Variants in TRIM2 observed in about 807,000 individuals in gnomAD.
TRIM2 encodes the protein tripartite motif containing 2, also known as tripartite motif-containing protein 2.
In TRIM2, 20 loss-of-function variants were observed where a neutral mutation model predicts 75.2. The ratio of observed to expected loss-of-function variants is 0.27; its 90% CI spans 0.19 to 0.39. TRIM2 has a LOEUF of 0.39. Ranked by LOEUF, TRIM2 falls within the 10% of genes least tolerant of loss-of-function variation. The pLI is 1.00. For synonymous variants in TRIM2, 373 were observed against 388.3 expected, an observed-to-expected ratio of 0.96 and a Z score of 0.46; for missense variants, 660 against 990.8, an observed-to-expected ratio of 0.67 and a Z score of 4.48.
intron 1 of TRIM2, among the ~76,000 whole-genome samples, chr4:153,245,549 G>A (rs2149887906): frequency 6.6e-6 from 1 of 152,204 alleles, no homozygotes; most frequent in Non-Finnish European, 1.5e-5. Context: ...AAATAATTTG[G>A]AAAAAACCAA....
upstream of TRIM2, chr4:153,152,653 T>C (rs1243260398): frequency 2.0e-5 from 3 of 151,056 alleles, no homozygotes; most frequent in Non-Finnish European, 4.4e-5. Flanking sequence ...CAGACACGAG[T>C]GTTGGTGCGC....
intron 1 of TRIM2, among the ~76,000 whole-genome samples, chr4:153,215,303 C>A (rs893493948): frequency 6.6e-6 from 1 of 152,128 alleles, no homozygotes; most frequent in South Asian, 2.1e-4. Context: ...CACCAAGAAT[C>A]CCTACATTGG....
chr4:153,328,106 ACT>A (rs1217809425), intron 10 of TRIM2, among the ~76,000 whole-genome samples: 1 of 152,088 alleles, frequency 6.6e-6, no homozygotes, highest in Non-Finnish European at 1.5e-5. Context: ...AAAAACTCCT[ACT>A]CTCTGATCCA....
chr4:153,154,882 G>C (rs1729081924), intron 1 of TRIM2, among the ~76,000 whole-genome samples: 1 of 152,210 alleles, frequency 6.6e-6, no homozygotes, highest in African/African-American at 2.4e-5. Flanking sequence ...GCTCACGCCT[G>C]TATTCCCAGC....
intron 1 of TRIM2, among the ~76,000 whole-genome samples, chr4:153,210,661 T>C (rs1490752301): frequency 6.6e-6 from 1 of 152,194 alleles, no homozygotes; most frequent in Non-Finnish European, 1.5e-5. Flanking sequence ...CTTGAGAGCA[T>C]TTTTAACGAA....
intron 2 of TRIM2, among the ~76,000 whole-genome samples, chr4:153,274,465 T>C (rs535975480): frequency 7.9e-5 from 12 of 152,106 alleles, no homozygotes; most frequent in Non-Finnish European, 1.6e-4. Context: ...GATAATGGGT[T>C]TGGTTTTGTT....
chr4:153,176,669 G>A (rs756502175), intron 1 of TRIM2, among the ~76,000 whole-genome samples: 4 of 152,090 alleles, frequency 2.6e-5, no homozygotes, highest in African/African-American at 4.8e-5. Flanking sequence ...GGAGTGCAGT[G>A]GCACAATTTC....
At chr4:153,324,049 TCA>T (rs750470000) in intron 9 of TRIM2, 27 bp from the exon 10 acceptor site, 23 of 1,585,586 alleles carry the variant, frequency 1.5e-5, no homozygotes, top group African/African-American at 2.7e-5. Flanking sequence ...GTTGTAGTCA[TCA>T]CATATTTTTT....
intron 3 of TRIM2, among the ~76,000 whole-genome samples, chr4:153,291,069 A>G (rs1579391126): frequency 6.6e-6 from 1 of 152,128 alleles, no homozygotes; most frequent in Admixed American, 6.5e-5. Context: ...TTATATGACA[A>G]AAAAAAAGTG....
chr4:153,186,893 G>A (rs1732659589), intron 1 of TRIM2, among the ~76,000 whole-genome samples: 1 of 152,230 alleles, frequency 6.6e-6, no homozygotes, highest in Non-Finnish European at 1.5e-5. Flanking sequence ...GAATTGCCAT[G>A]CTATTACATG....
At chr4:153,172,846 A>G (rs1560784597) in intron 1 of TRIM2, among the ~76,000 whole-genome samples, 1 of 152,174 alleles carries the variant, frequency 6.6e-6, no homozygotes, top group Non-Finnish European at 1.5e-5. Context: ...CAGAAGGAAC[A>G]AGAGCTCAAG....
At chr4:153,308,084 T>G in intron 6 of TRIM2, 1 of 838,670 alleles carries the variant, frequency 1.2e-6, no homozygotes, top group Non-Finnish European at 2.1e-6. Flanking sequence ...TATCAAATAC[T>G]TTCTGGAAGT....
chr4:153,208,952 C>T (rs571584872), intron 1 of TRIM2, among the ~76,000 whole-genome samples: 5 of 152,290 alleles, frequency 3.3e-5, no homozygotes, highest in Non-Finnish European at 5.9e-5. Context: ...TCCACACACA[C>T]AAAGAAATGT....
intron 1 of TRIM2, among the ~76,000 whole-genome samples, chr4:153,239,306 C>T (rs1183399465): frequency 2.0e-5 from 3 of 149,824 alleles, no homozygotes; most frequent in South Asian, 2.1e-4. Context: ...GAGCCGAGAT[C>T]GTGCCACTGC....
chr4:153,220,106 T>G (rs7685632), intron 1 of TRIM2, among the ~76,000 whole-genome samples: 94,110 of 151,712 alleles, frequency 0.62, 29,643 homozygotes, highest in East Asian at 0.87. Context: ...AGACGGGGAG[T>G]TCATTGCCCT....
chr4:153,265,161 T>TA (rs938542199), intron 1 of TRIM2, among the ~76,000 whole-genome samples: 59 of 145,192 alleles, frequency 4.1e-4, no homozygotes, highest in African/African-American at 9.3e-4. Context: ...ATTCTAAGGT[T>TA]AAAAAAAAAA....
intron 1 of TRIM2, among the ~76,000 whole-genome samples, chr4:153,172,141 A>AT (rs11418854): frequency 0.33 from 49,628 of 148,786 alleles, 8,988 homozygotes; most frequent in African/African-American, 0.48. Flanking sequence ...TATGATAGTA[A>AT]TTTTTTTTTT....
chr4:153,227,838 C>T (rs1398304017), intron 1 of TRIM2, among the ~76,000 whole-genome samples: 2 of 152,112 alleles, frequency 1.3e-5, no homozygotes, highest in African/African-American at 4.8e-5. Flanking sequence ...TAATAGTTTG[C>T]CTTAGCAGCA....
intron 1 of TRIM2, among the ~76,000 whole-genome samples, chr4:153,159,489 A>C (rs2149591178): frequency 6.6e-6 from 1 of 151,900 alleles, no homozygotes; most frequent in East Asian, 1.9e-4. Flanking sequence ...TATTTTTTGA[A>C]GAGACAGGGT....
Sources: allele counts gnomAD v4.1 joint callset (sites outside exome capture counted in the v4.1 genomes callset), GRCh38; gene constraint gnomAD v4.1.1; transcripts MANE v1.5; gene names NCBI Gene and HGNC (gene_info 2026-07-23, HGNC 2026-07-21).